LMBRD1: variants seen among roughly 807,000 people sequenced by gnomAD.
LMBRD1 encodes the protein LMBR1 domain containing 1.
In LMBRD1, 64 loss-of-function variants were observed where a neutral mutation model predicts 74.8. That is an observed-to-expected ratio of 0.86 (90% confidence interval 0.70 to 1.05). LMBRD1 has a LOEUF of 1.05. LMBRD1 is among the 50% of genes least tolerant of loss of function. LMBRD1 has a pLI of 0.00. For synonymous variants in LMBRD1, 204 were observed against 216.3 expected, an observed-to-expected ratio of 0.94 and a Z score of 0.50; for missense variants, 652 against 645.9, an observed-to-expected ratio of 1.01 and a Z score of -0.10.
At chr6:69,693,653 C>G (rs928649398) in intron 14 of LMBRD1, among the ~76,000 whole-genome samples, 1 of 151,920 alleles carries the variant, frequency 6.6e-6, no homozygotes, top group African/African-American at 2.4e-5. Context: ...ATTATAGTAT[C>G]ATTTAGTCAA....
intron 13 of LMBRD1, 109 bp from the exon 14 acceptor site, chr6:69,697,750 C>T (rs1766038035): frequency 1.6e-6 from 1 of 624,994 alleles, no homozygotes; most frequent in African/African-American, 1.8e-5. Context: ...CTACATCTAT[C>T]TAACATTCCA....
intron 2 of LMBRD1, among the ~76,000 whole-genome samples, chr6:69,781,149 C>T (rs1384207676): frequency 6.6e-6 from 1 of 151,976 alleles, no homozygotes; most frequent in Non-Finnish European, 1.5e-5. Flanking sequence ...TTTTAAAAAC[C>T]TACAGGAAAA....
chr6:69,768,739 T>C (rs2168713), intron 3 of LMBRD1, among the ~76,000 whole-genome samples: 51,247 of 151,996 alleles, frequency 0.34, 9,704 homozygotes, highest in East Asian at 0.54. Context: ...AGACTTCCTT[T>C]AGCATTCTTG....
intron 14 of LMBRD1, among the ~76,000 whole-genome samples, chr6:69,688,520 C>T (rs1166386288): frequency 6.6e-6 from 1 of 151,022 alleles, no homozygotes; most frequent in Admixed American, 6.6e-5. Flanking sequence ...TGGGAAAAGA[C>T]GGTACAAAGA....
chr6:69,781,873 G>A (rs1028658016), intron 2 of LMBRD1, among the ~76,000 whole-genome samples: 3 of 151,818 alleles, frequency 2.0e-5, no homozygotes, highest in Admixed American at 6.6e-5. Context: ...CATTGTGCTA[G>A]GAGGTAGAGT....
Position 69,676,682 on chromosome 6 carries a change from A to T in LMBRD1, c.1418-141T>A, listed in dbSNP as rs113370407. The T allele has an allele frequency of 2.1e-3, 1,564 of 733,668 alleles. 5 individuals carry two copies. The highest frequency in any genetic ancestry group is 6.9e-3 in the African/African-American group (394 of 57,308). 45.4% of individuals were successfully genotyped at this position (733,668 alleles called of 1,614,324 possible). Reference sequence around the variant, plus strand: ...AGTGTCAGAGATGGTACTGAAACTTAGGTCTCTCTCCAAAGCCCACTCTTT... The same window carrying T: ...AGTGTCAGAGATGGTACTGAAACTTTGGTCTCTCTCCAAAGCCCACTCTTT... On this transcript the variant is annotated intron_variant, in intron 14 of 15. Coordinates refer to ENST00000649934, the MANE Select transcript of LMBRD1 (RefSeq NM_018368.4).
At chr6:69,735,845 A>G (rs908530177) in intron 7 of LMBRD1, among the ~76,000 whole-genome samples, 2 of 152,202 alleles carry the variant, frequency 1.3e-5, no homozygotes, top group Non-Finnish European at 1.5e-5. Flanking sequence ...AGCTCACATG[A>G]CATGGCCTCT....
intron 2 of LMBRD1, among the ~76,000 whole-genome samples, chr6:69,786,480 C>T (rs1042320204): frequency 2.9e-5 from 4 of 139,084 alleles, no homozygotes; most frequent in African/African-American, 7.7e-5. Flanking sequence ...ATATTAGTGT[C>T]GATTTCTTTT....
intron 7 of LMBRD1, among the ~76,000 whole-genome samples, chr6:69,734,396 AAT>A (rs1766928544): frequency 1.8e-5 from 1 of 54,978 alleles, no homozygotes; most frequent in Non-Finnish European, 3.1e-5. Flanking sequence ...TAACAAAACC[AAT>A]TTTTTTTTTT....
At chr6:69,763,258 G>A (rs1035661588) in intron 3 of LMBRD1, among the ~76,000 whole-genome samples, 4 of 150,912 alleles carry the variant, frequency 2.7e-5, no homozygotes, top group Non-Finnish European at 5.9e-5. Flanking sequence ...GAATTGTTAA[G>A]CAAAATGAGC....
At chr6:69,678,304 T>C (rs1765589174) in intron 14 of LMBRD1, among the ~76,000 whole-genome samples, 1 of 152,050 alleles carries the variant, frequency 6.6e-6, no homozygotes, top group South Asian at 2.1e-4. Context: ...TGTCTTTACA[T>C]TGAATTGGCT....
intron 3 of LMBRD1, among the ~76,000 whole-genome samples, chr6:69,773,136 T>C (rs1765609722): frequency 6.6e-6 from 1 of 152,140 alleles, no homozygotes; most frequent in South Asian, 2.1e-4. Flanking sequence ...CTACCCAATA[T>C]GGTAGTTTTG....
intron 9 of LMBRD1, among the ~76,000 whole-genome samples, chr6:69,702,563 T>C (rs1053247698): frequency 1.3e-5 from 2 of 152,030 alleles, no homozygotes; most frequent in African/African-American, 2.4e-5. Context: ...TTTCTCCCAA[T>C]TGTATGAACT....
At position 69,787,661 on chromosome 6, in the gene LMBRD1, G is replaced by A. The variant is rs143515095; in HGVS notation, c.246+2635C>T. On this transcript the variant is annotated intron_variant, in intron 2 of 15. Coordinates refer to ENST00000649934, the MANE Select transcript of LMBRD1 (RefSeq NM_018368.4). ...CTCAGGAAGCTCTGGCAGAAGAATC[G>A]CTTGAACCCAGGAGGCGGAGGTTGC... Among the ~76,000 whole-genome samples, 515 of 152,154 alleles carry A rather than the reference G, an allele frequency of 3.4e-3. 5 individuals are homozygous for A. Among genetic ancestry groups the A allele is most frequent in the African/African-American group, 0.011 (475 of 41,524 alleles).
intron 12 of LMBRD1, among the ~76,000 whole-genome samples, chr6:69,700,189 AT>A (rs1172486446): frequency 6.6e-6 from 1 of 151,846 alleles, no homozygotes; most frequent in Admixed American, 6.6e-5. Flanking sequence ...TCAAGCCACT[AT>A]TTAACTGAGT....
chr6:69,744,902 G>T (rs1767185072), intron 5 of LMBRD1, among the ~76,000 whole-genome samples: 1 of 151,366 alleles, frequency 6.6e-6, no homozygotes, highest in South Asian at 2.1e-4. Flanking sequence ...GAGTGCAGTG[G>T]CACAATCTCA....
intron 3 of LMBRD1, among the ~76,000 whole-genome samples, chr6:69,762,835 A>G (rs1275999522): frequency 6.6e-6 from 1 of 152,166 alleles, no homozygotes. Context: ...AGCAAGGAAA[A>G]GGGTCTCCGC....
At chr6:69,788,900 AG>A (rs2149897103) in intron 2 of LMBRD1, among the ~76,000 whole-genome samples, 1 of 152,308 alleles carries the variant, frequency 6.6e-6, no homozygotes, top group East Asian at 1.9e-4. Context: ...CAGCACTTAC[AG>A]GCTATGTTAT....
intron 14 of LMBRD1, among the ~76,000 whole-genome samples, chr6:69,681,515 T>C (rs1346111287): frequency 6.6e-6 from 1 of 152,022 alleles, no homozygotes; most frequent in East Asian, 1.9e-4. Context: ...TTAAAAACAT[T>C]TAATGTTTAA....
Sources: gnomAD v4.1 joint callset for allele counts (sites outside exome capture counted in the v4.1 genomes callset) on GRCh38, gnomAD v4.1.1 for gene constraint, MANE v1.5 for transcripts, NCBI Gene and HGNC (gene_info 2026-07-23, HGNC 2026-07-21) for gene names.